Variants in GNL2 observed in about 807,000 individuals in gnomAD.
GNL2 encodes G protein nucleolar 2.
In GNL2, 51 loss-of-function variants were observed where a neutral mutation model predicts 92.3. That is an observed-to-expected ratio of 0.55 (90% CI 0.44 to 0.70). The LOEUF (loss-of-function observed/expected upper bound fraction) is 0.70, where lower values mean the gene tolerates loss of function less well. GNL2 is among the 30% of genes least tolerant of loss of function. The pLI, the probability that GNL2 is intolerant of heterozygous loss-of-function variation, is 0.00. For missense variants in GNL2, 844 were observed against 895.6 expected (o/e 0.94, Z 0.74); for synonymous variants, 283 against 300.6 (o/e 0.94, Z 0.61).
intron 8 of GNL2, among the ~76,000 whole-genome samples, chr1:37,579,964 T>G (rs1369379177): frequency 6.6e-6 from 1 of 150,692 alleles, no homozygotes; most frequent in Non-Finnish European, 1.5e-5. Context: ...AAAGCAAATT[T>G]CTGAACAAGA....
At chr1:37,567,790 G>A (rs1643530193) in intron 14 of GNL2, 26 bp from the exon 15 acceptor site, 1 of 1,568,586 alleles carries the variant, frequency 6.4e-7, no homozygotes, top group Non-Finnish European at 8.8e-7. Context: ...ACACAAACAG[G>A]AATTTTCTAT....
intron 8 of GNL2, chr1:37,581,312 C>T (rs1051893704): frequency 2.2e-6 from 1 of 454,758 alleles, no homozygotes; most frequent in Non-Finnish European, 4.4e-6. Context: ...GTAGAATTAA[C>T]TAAATAGACA....
chr1:37,568,712 T>C (rs1643546500), intron 13 of GNL2, 139 bp downstream of exon 13: 1 of 709,246 alleles, frequency 1.4e-6, no homozygotes, highest in Admixed American at 2.4e-5. Context: ...AGACGCCGTC[T>C]CAAAAAACAA....
chr1:37,575,964 G>A lies in GNL2; in HGVS notation c.1039-265C>T, dbSNP rs750841318. Among the ~76,000 whole-genome samples the A allele has an allele frequency of 6.6e-5, 10 of 152,098 alleles. No homozygotes were observed. The highest frequency in any genetic ancestry group is 2.1e-4 in the South Asian group (1 of 4,826). ...CATCTCGTATTGTGCAATTATACCC[G>A]GTGAACCTTTCCTGAGTTTTAGAAG... On this transcript the variant is annotated intron_variant, in intron 9 of 15. Transcript: ENST00000373062. This position sits in a 1 kb window ranked among gnomAD's most constrained non-coding sequence, Gnocchi z 4.1.
Position 37,595,853 on chromosome 1 carries a change from G to A in GNL2, c.-31C>T. 4 of 1,601,822 alleles carry A rather than the reference G, an allele frequency of 2.5e-6. No individual in the cohort carries two copies. The highest frequency in any genetic ancestry group is 2.2e-5 in the South Asian group (2 of 90,812). On this transcript the variant is annotated 5_prime_UTR_variant, in exon 1 of 16. Transcript: ENST00000373062. ...CGACGAGACCGGGACCGGAGTGCGA[G>A]GTCCGGCTTACGTGGTGAAACAAAC...
chr1:37,571,294 T>C (rs1339319116), intron 12 of GNL2, among the ~76,000 whole-genome samples: 2 of 152,208 alleles, frequency 1.3e-5, no homozygotes, highest in East Asian at 3.8e-4. Context: ...ACCATTTGCA[T>C]CCCCACTGTC....
rs1334710044 is a variant in GNL2, at chr1:37,567,011, T to TA, written c.2044-5dup. On this transcript the variant is annotated splice_region_variant and splice_polypyrimidine_tract_variant and intron_variant, in intron 15 of 15. Transcript: ENST00000373062. ...GCTGTCGTACTGCTCGCCTCCGCTG[T>TA]AAAAAATGGCAAGAAAAGATGAAGA... 5.0e-6 allele frequency: 8 copies of TA among 1,602,604 alleles called. No homozygotes were observed. The highest frequency in any genetic ancestry group is 1.8e-5 in the Admixed American group (1 of 57,060).
In GNL2 at chr1:37,592,829, A is replaced by G. The variant is rs148684015; in HGVS notation, c.150-23T>C. 1.1e-3 allele frequency: 1,447 copies of G among 1,322,752 alleles called. 19 individuals carry two copies. The African/African-American group carries it at 0.019, about 17-fold the overall frequency. 81.9% of individuals were successfully genotyped at this position (1,322,752 alleles called of 1,614,324 possible). ...TTCCTAAATTGAGGAAAGAACAGAT[A>G]TTGGTTGACAACAGAAAAATGGCAA... On this transcript the variant is annotated intron_variant, in intron 2 of 15. Coordinates refer to ENST00000373062, the MANE Select transcript of GNL2 (RefSeq NM_013285.3).
At chr1:37,574,544 C>A in intron 11 of GNL2, 88 bp from the exon 12 acceptor site, 1 of 1,391,684 alleles carries the variant, frequency 7.2e-7, no homozygotes, top group Non-Finnish European at 1.0e-6. Context: ...CCCAGGGGTT[C>A]ATCATCACTT....
intron 14 of GNL2, 81 bp downstream of exon 14, chr1:37,568,194 T>G: frequency 1.2e-6 from 1 of 827,144 alleles, no homozygotes; most frequent in Non-Finnish European, 2.1e-6. Context: ...ATGACTGAGA[T>G]AATTTGGAGA....
intron 12 of GNL2, 54 bp downstream of exon 12, chr1:37,574,289 C>T: frequency 9.4e-7 from 1 of 1,066,322 alleles, no homozygotes; most frequent in Non-Finnish European, 1.4e-6. Context: ...ACAAGCTACA[C>T]CAAATCTAGG....
intron 3 of GNL2, among the ~76,000 whole-genome samples, 173 bp from the exon 4 acceptor site, chr1:37,591,018 T>C (rs1410019117): frequency 6.6e-6 from 1 of 152,178 alleles, no homozygotes; most frequent in Admixed American, 6.6e-5. Context: ...AAACTGCCTC[T>C]CCCGCACTTG....
Position 37,576,475 on chromosome 1 carries a change from G to T in GNL2, c.991C>A (p.Arg331Ser), listed in dbSNP as rs890084417. Residue 331 changes from arginine (R) to serine (S), a missense_variant, in exon 9 of 16, where the codon CGT becomes AGT. Arg to Ser is a moderately radical substitution (Grantham distance 110). Transcript: ENST00000373062. Reference protein sequence around the residue: ...VGKSSVINTLRSKKVCNVAPI... With the variant: ...VGKSSVINTLSSKKVCNVAPI... ...GCCACGTTGCAAACTTTCTTAGAACGCAATGTATTTATCACAGAGCTCTTG... is the reference window on the plus strand; with the variant it reads ...GCCACGTTGCAAACTTTCTTAGAACTCAATGTATTTATCACAGAGCTCTTG... The T allele has an allele frequency of 1.2e-6, 2 of 1,613,624 alleles. No homozygotes were observed. The highest frequency in any genetic ancestry group is 2.7e-5 in the African/African-American group (2 of 74,898).
At chr1:37,581,367 T>G (rs777436093) in intron 8 of GNL2, 1 of 456,094 alleles carries the variant, frequency 2.2e-6, no homozygotes, top group African/African-American at 2.0e-5. Context: ...AAGAATTTGA[T>G]AGGGTAGTCT....
rs765805567 is a variant in GNL2, at chr1:37,587,414, A to T, written c.466T>A (p.Phe156Ile). 1.2e-6 allele frequency: 2 copies of T among 1,613,654 alleles called. No homozygotes were observed. The highest frequency in any genetic ancestry group is 1.7e-6 in the Non-Finnish European group (2 of 1,179,526). Residue 156 changes from phenylalanine (F) to isoleucine (I), a missense_variant, in exon 5 of 16, where the codon TTT becomes ATT. Phe to Ile is a conservative substitution (Grantham distance 21). Transcript: ENST00000373062. Reference protein sequence around the residue: ...PKSQRKRPNLFASDMQSLIEN... With the variant: ...PKSQRKRPNLIASDMQSLIEN... ...ATAAGAGACTGCATATCACTTGCAA[A>T]TAAGTTTGGTCGTTTCCTCTGTGAC...
At chr1:37,586,808 C>T (rs2148140664) in intron 5 of GNL2, among the ~76,000 whole-genome samples, 1 of 152,298 alleles carries the variant, frequency 6.6e-6, no homozygotes, top group African/African-American at 2.4e-5. Flanking sequence ...AATCAAGCCA[C>T]CTTAGACATC....
rs1430869482 is a variant in GNL2 at position 37,574,541 on chromosome 1, G to T, written c.1303-85C>A. 1.4e-5 allele frequency: 19 copies of T among 1,395,404 alleles called. No homozygotes were observed. The Admixed American group carries it at 2.9e-4, about 21-fold the overall frequency. The allele number at this position is 1,395,404 out of a possible 1,614,324, so 86.4% of individuals were successfully genotyped here. A position where few individuals can be genotyped will look rare whatever the true frequency, so the allele number is the denominator to read the frequency against. Reference sequence around the variant, plus strand: ...TGGGGGTATTTCAGTTGTCCCAGGGGTTCATCATCACTTAAGTGACAAGTT... The same window carrying T: ...TGGGGGTATTTCAGTTGTCCCAGGGTTTCATCATCACTTAAGTGACAAGTT... On this transcript the variant is annotated intron_variant, in intron 11 of 15. Transcript: ENST00000373062.
At chr1:37,593,494 A>T (rs1643900661) in intron 2 of GNL2, 1 of 374,286 alleles carries the variant, frequency 2.7e-6, no homozygotes, top group African/African-American at 2.1e-5. Context: ...CTGAGATTTA[A>T]TGCGCCATTT....
In GNL2 at chr1:37,583,735, G is replaced by A. The variant is rs370034019; in HGVS notation, c.636+132C>T. The A allele has an allele frequency of 6.7e-6, 4 of 597,328 alleles. 1 individual carries two copies. The highest frequency in any genetic ancestry group is 4.9e-5 in the South Asian group (2 of 40,542). 37.0% of individuals were successfully genotyped at this position (597,328 alleles called of 1,614,324 possible). ...ACGCCTTCCGAGTTTCTTTGTAGGA[G>A]GAAGAGGATGGAACAGGCAGTGGTG... On this transcript the variant is annotated intron_variant, in intron 6 of 15. Coordinates refer to ENST00000373062, the MANE Select transcript of GNL2 (RefSeq NM_013285.3).
Sources: gnomAD v4.1 joint callset for allele counts (sites outside exome capture counted in the v4.1 genomes callset) on GRCh38, gnomAD v4.1.1 for gene constraint, Gnocchi (gnomAD v3.1) non-coding constraint, MANE v1.5 for transcripts, NCBI Gene and HGNC (gene_info 2026-07-23, HGNC 2026-07-21) for gene names.